ACVR1C: variants seen among roughly 807,000 people sequenced by gnomAD.
ACVR1C encodes activin A receptor type 1C, also known as activin receptor type-1C.
A neutral mutation model predicts 57.9 loss-of-function variants in ACVR1C; 23 were observed. That is an observed-to-expected ratio of 0.40 (90% CI 0.29 to 0.56). The LOEUF (loss-of-function observed/expected upper bound fraction) is 0.56, where lower values mean the gene tolerates loss of function less well. Among genes scored for constraint, ACVR1C ranks in the 20% least tolerant of loss-of-function variants. ACVR1C has a pLI of 0.50. For missense variants in ACVR1C, 480 were observed against 607.9 expected (o/e 0.79, Z 2.21); for synonymous variants, 214 against 215.3 (o/e 0.99, Z 0.05).
intron 2 of ACVR1C, among the ~76,000 whole-genome samples, chr2:157,557,806 T>C (rs1001817564): frequency 1.3e-5 from 2 of 152,212 alleles, no homozygotes; most frequent in Non-Finnish European, 2.9e-5. Flanking sequence ...GCCAATTTTT[T>C]TGCTTAAACT....
intron 4 of ACVR1C, among the ~76,000 whole-genome samples, chr2:157,548,311 C>T (rs1373926029): frequency 6.9e-6 from 1 of 145,870 alleles, no homozygotes; most frequent in Admixed American, 6.9e-5. Context: ...ATTCCATGCT[C>T]ATGGGTAGGA....
At chr2:157,540,164 A>C (rs1335007888) in intron 7 of ACVR1C, among the ~76,000 whole-genome samples, 1 of 152,108 alleles carries the variant, frequency 6.6e-6, no homozygotes, top group Non-Finnish European at 1.5e-5. Flanking sequence ...TGAGAAAATT[A>C]CAACTAAGTA....
rs183637370 is a variant in ACVR1C at position 157,606,232 on chromosome 2, T to C, written c.74-18815A>G. 4.5e-3 allele frequency among the ~76,000 whole-genome samples: 681 copies of C among 151,860 alleles called. 3 individuals carry two copies. The highest frequency in any genetic ancestry group is 0.01 in the Middle Eastern group (3 of 294). ...ATGGACACTTAGGCTGAATCCACAA[T>C]GCAGATTTTGAGTAGTGCTGTGATA... On this transcript the variant is annotated intron_variant, in intron 1 of 8. Transcript: ENST00000243349.
rs952773792 is a variant in ACVR1C at position 157,529,669 on chromosome 2, A to G, written c.*4249T>C. 1 of 152,054 alleles carries G rather than the reference A, an allele frequency of 6.6e-6. No individual in the cohort carries two copies. The highest frequency in any genetic ancestry group is 1.5e-5 in the Non-Finnish European group (1 of 67,968). 9.4% of individuals were successfully genotyped at this position (152,054 alleles called of 1,614,324 possible). ...GTACTAAGGGATTCTCTTTCATTAG[A>G]AGGCTAAATTCCAGACGGTTAAGTT... On this transcript the variant is annotated 3_prime_UTR_variant, in exon 9 of 9. Transcript: ENST00000243349.
At chr2:157,555,214 G>C (rs1405774813) in intron 3 of ACVR1C, among the ~76,000 whole-genome samples, 2 of 146,070 alleles carry the variant, frequency 1.4e-5, no homozygotes, top group African/African-American at 5.2e-5. Flanking sequence ...CGCTTCCCGG[G>C]TTCACGCCAT....
chr2:157,546,777 TGG>T (rs1687764908), intron 4 of ACVR1C, among the ~76,000 whole-genome samples: 1 of 152,200 alleles, frequency 6.6e-6, no homozygotes, highest in Non-Finnish European at 1.5e-5. Context: ...TACACAAGCA[TGG>T]GTACAATATT....
At chr2:157,614,125 A>G (rs1234142153) in intron 1 of ACVR1C, among the ~76,000 whole-genome samples, 2 of 152,164 alleles carry the variant, frequency 1.3e-5, no homozygotes, top group African/African-American at 2.4e-5. Flanking sequence ...TGCTCATTTT[A>G]CCTAAATTTT....
intron 1 of ACVR1C, among the ~76,000 whole-genome samples, chr2:157,607,022 C>G (rs1682415591): frequency 6.6e-6 from 1 of 151,814 alleles, no homozygotes; most frequent in Non-Finnish European, 1.5e-5. Flanking sequence ...TTTCATTCTT[C>G]TGCATATAAT....
At chr2:157,537,296 T>C (rs1687514348) in intron 8 of ACVR1C, among the ~76,000 whole-genome samples, 1 of 151,990 alleles carries the variant, frequency 6.6e-6, no homozygotes, top group African/African-American at 2.4e-5. Flanking sequence ...GTATTGAAAA[T>C]GTTCTATTTT....
At chr2:157,603,202 G>A (rs1327792825) in intron 1 of ACVR1C, among the ~76,000 whole-genome samples, 2 of 152,100 alleles carry the variant, frequency 1.3e-5, no homozygotes, top group African/African-American at 2.4e-5. Flanking sequence ...TGACTCCTAC[G>A]CTACATGGAA....
At chr2:157,576,086 A>G (rs1243481302) in intron 2 of ACVR1C, among the ~76,000 whole-genome samples, 1 of 152,044 alleles carries the variant, frequency 6.6e-6, no homozygotes, top group Admixed American at 6.6e-5. Context: ...ATAAATGTCC[A>G]TGTAAATCCC....
chr2:157,609,242 G>A (rs1682476216), intron 1 of ACVR1C, among the ~76,000 whole-genome samples: 1 of 151,544 alleles, frequency 6.6e-6, no homozygotes. Context: ...TTGTTTAGGG[G>A]CATGTTGTTT....
intron 1 of ACVR1C, among the ~76,000 whole-genome samples, chr2:157,603,664 A>G (rs1682329354): frequency 6.6e-6 from 1 of 152,104 alleles, no homozygotes; most frequent in Non-Finnish European, 1.5e-5. Flanking sequence ...CCTGACTGCA[A>G]TTTCCTTTGC....
chr2:157,602,826 T>A (rs1255269423), intron 1 of ACVR1C, among the ~76,000 whole-genome samples: 1 of 152,194 alleles, frequency 6.6e-6, no homozygotes, highest in Non-Finnish European at 1.5e-5. Flanking sequence ...GGTATGGGAA[T>A]AAAGATGATT....
chr2:157,531,158 A>G lies in ACVR1C; in HGVS notation c.*2760T>C, dbSNP rs562758089. The G allele has an allele frequency of 1.3e-5, 2 of 152,002 alleles. No homozygotes were observed. The highest frequency in any genetic ancestry group is 2.9e-5 in the Non-Finnish European group (2 of 67,926). 9.4% of individuals were successfully genotyped at this position (152,002 alleles called of 1,614,324 possible). A position where few individuals can be genotyped will look rare whatever the true frequency, so the allele number is the denominator to read the frequency against. On this transcript the variant is annotated 3_prime_UTR_variant, in exon 9 of 9. Coordinates refer to ENST00000243349, the MANE Select transcript of ACVR1C (RefSeq NM_145259.3). ...TAAAAACAATATAACATTTGACAGC[A>G]TAAGTATATACAAGAAGCCTGCCTT...
Position 157,628,608 on chromosome 2 carries a change from G to C in ACVR1C, c.37C>G (p.Leu13Val). 1 of 1,603,520 alleles carries C rather than the reference G, an allele frequency of 6.2e-7. No homozygotes were observed. The highest frequency in any genetic ancestry group is 2.3e-5 in the East Asian group (1 of 44,442). ...TCGGCGGCCGCTGCGAGCAGCAGGAGAGCCTGGCGGAGCGCTGAGCAGAGC... is the reference window on the plus strand; with the variant it reads ...TCGGCGGCCGCTGCGAGCAGCAGGACAGCCTGGCGGAGCGCTGAGCAGAGC... ...RALCSALRQA[L>V]LLLAAAAELS... The change falls in exon 1 of 9, where the codon CTC becomes GTC. Residue 13 changes from leucine to valine, a missense_variant. Transcript: ENST00000243349.
At chr2:157,551,380 A>G (rs1009059349) in intron 3 of ACVR1C, among the ~76,000 whole-genome samples, 2 of 152,238 alleles carry the variant, frequency 1.3e-5, no homozygotes, top group Admixed American at 6.5e-5. Flanking sequence ...TGTTAATCTT[A>G]GGATGGCTTA....
At chr2:157,621,913 A>C (rs1682784152) in intron 1 of ACVR1C, among the ~76,000 whole-genome samples, 1 of 152,172 alleles carries the variant, frequency 6.6e-6, no homozygotes. Flanking sequence ...AGCGTATTCA[A>C]GTTTGCCATG....
chr2:157,585,809 G>A (rs1388076430), intron 2 of ACVR1C, among the ~76,000 whole-genome samples: 1 of 152,178 alleles, frequency 6.6e-6, no homozygotes, highest in Non-Finnish European at 1.5e-5. Context: ...ATCTGAGATA[G>A]AGAGAATAAG....
Sources: gnomAD v4.1 joint callset for allele counts (sites outside exome capture counted in the v4.1 genomes callset) on GRCh38, gnomAD v4.1.1 for gene constraint, MANE v1.5 for transcripts, NCBI Gene and HGNC (gene_info 2026-07-23, HGNC 2026-07-21) for gene names.